LIPJ: variants seen among roughly 807,000 people sequenced by gnomAD.
The protein encoded by LIPJ is lipase member J.
LIPJ carries 33 observed loss-of-function variants against 39.8 expected under a neutral mutation model. The ratio of observed to expected loss-of-function variants is 0.83; its 90% CI spans 0.63 to 1.11. The LOEUF is 1.11. LIPJ is among the 50% of genes least tolerant of loss of function. The pLI, the probability that LIPJ is intolerant of heterozygous loss-of-function variation, is 0.00. For synonymous variants in LIPJ, 128 were observed against 139.2 expected (o/e 0.92, Z 0.57); for missense variants, 422 against 427.9 (o/e 0.99, Z 0.12).
At chr10:88,583,367 G>A (rs1850776353), upstream of LIPJ, 11 of 1,396,682 alleles carry the variant, frequency 7.9e-6, no homozygotes, top group South Asian at 1.6e-4. Context: ...GGCGGCCGGA[G>A]CTGAGAGGCC....
chr10:88,582,933 A>C, upstream of LIPJ: 2 of 963,902 alleles, frequency 2.1e-6, no homozygotes, highest in African/African-American at 1.7e-5. Context: ...CACTCGGCGC[A>C]TGGGCCGCGC....
intron 8 of LIPJ, among the ~76,000 whole-genome samples, chr10:88,600,107 T>G (rs1412361522): frequency 6.6e-6 from 1 of 152,082 alleles, no homozygotes; most frequent in Admixed American, 6.6e-5. Flanking sequence ...TTATTATTAC[T>G]TATGTTAAGT....
At chr10:88,615,910 G>A in the LIPJ span, among the ~76,000 whole-genome samples, 1 of 152,062 alleles carries the variant, frequency 6.6e-6, no homozygotes, top group Non-Finnish European at 1.5e-5. Context: ...TAAACCAAAT[G>A]TTATCAACAA....
chr10:88,619,869 A>T, the LIPJ span, among the ~76,000 whole-genome samples: 1 of 152,112 alleles, frequency 6.6e-6, no homozygotes, highest in Non-Finnish European at 1.5e-5. Context: ...TAAGATACAA[A>T]AAGCACGATC....
intron 3 of LIPJ, 81 bp from the exon 4 acceptor site, chr10:88,591,297 A>G: frequency 9.3e-7 from 1 of 1,074,150 alleles, no homozygotes; most frequent in Non-Finnish European, 1.3e-6. Flanking sequence ...TCATTGTCAC[A>G]TAATGCGTTA....
chr10:88,612,935 C>G, the LIPJ span, among the ~76,000 whole-genome samples: 90 of 152,266 alleles, frequency 5.9e-4, no homozygotes, highest in South Asian at 2.9e-3. Context: ...AGAATATACA[C>G]TGTATTCATC....
intron 2 of LIPJ, 145 bp from the exon 3 acceptor site, chr10:88,590,440 C>T (rs917693144): frequency 7.6e-6 from 3 of 397,016 alleles, no homozygotes; most frequent in Admixed American, 8.7e-5. Context: ...ATGGTTTTAG[C>T]CAAGTTATTT....
At chr10:88,583,639 C>G (rs1850793470), upstream of LIPJ, 1 of 989,084 alleles carries the variant, frequency 1.0e-6, no homozygotes, top group African/African-American at 1.7e-5. Context: ...GAAGAATTTA[C>G]CAGCGATACC....
chr10:88,596,478 T>C, intron 7 of LIPJ, 62 bp downstream of exon 7: 1 of 1,414,336 alleles, frequency 7.1e-7, no homozygotes, highest in Non-Finnish European at 9.3e-7. Context: ...TGCTTTCAAA[T>C]AAGAGATCTT....
intron 2 of LIPJ, among the ~76,000 whole-genome samples, chr10:88,590,337 G>A (rs1851038785): frequency 6.6e-6 from 1 of 151,662 alleles, no homozygotes; most frequent in South Asian, 2.1e-4. Flanking sequence ...CTTCTAAGAG[G>A]GAATTTATCT....
chr10:88,600,132 A>G lies in LIPJ; in HGVS notation c.724-2444A>G, dbSNP rs1005180745. ...TTATGTTAAGTTTGTGTTTATATCC[A>G]CATCCTAAATAATGCAAAAACTTTA... On this transcript the variant is annotated intron_variant, in intron 8 of 10. Transcript: ENST00000371939. 4.6e-5 allele frequency among the ~76,000 whole-genome samples: 7 copies of G among 152,228 alleles called. 1 individual carries two copies. Among genetic ancestry groups the G allele is most frequent in the African/African-American group, 1.7e-4 (7 of 41,556 alleles).
At chr10:88,615,733 A>G in the LIPJ span, among the ~76,000 whole-genome samples, 1 of 152,166 alleles carries the variant, frequency 6.6e-6, no homozygotes, top group Non-Finnish European at 1.5e-5. Flanking sequence ...ACATACAGAA[A>G]AACAAAACTC....
At chr10:88,617,150 C>T in the LIPJ span, among the ~76,000 whole-genome samples, 2 of 152,086 alleles carry the variant, frequency 1.3e-5, no homozygotes, top group African/African-American at 4.8e-5. Flanking sequence ...CAAACATGCT[C>T]TCGGGACAAG....
In LIPJ at chr10:88,590,757, T is replaced by A. The variant is rs552012286; in HGVS notation, c.9+61T>A. On this transcript the variant is annotated intron_variant, in intron 3 of 10. Coordinates refer to ENST00000371939, the Ensembl canonical transcript of LIPJ. ...TAACAGAGAATGCTACTTTTCAAAT[T>A]TGGAATTTTAACTTAATAGATTTAC... 525 of 1,371,658 alleles carry A rather than the reference T, an allele frequency of 3.8e-4. 4 individuals are homozygous for A. In the African/African-American group the frequency reaches 6.2e-3, roughly 16 times the overall value. The allele number at this position is 1,371,658 out of a possible 1,614,324, so 85.0% of individuals were successfully genotyped here.
chr10:88,595,935 A>G (rs1044255923), intron 6 of LIPJ, among the ~76,000 whole-genome samples: 1 of 151,622 alleles, frequency 6.6e-6, no homozygotes, highest in Non-Finnish European at 1.5e-5. Context: ...TATAAGATTC[A>G]TCTGTCTGAA....
downstream of LIPJ, among the ~76,000 whole-genome samples, chr10:88,607,264 C>G (rs146893576): frequency 6.6e-6 from 1 of 151,910 alleles, no homozygotes; most frequent in Non-Finnish European, 1.5e-5. Flanking sequence ...TTGAGAAATA[C>G]TTGATATGAA....
At chr10:88,614,049 G>A in the LIPJ span, among the ~76,000 whole-genome samples, 1 of 151,158 alleles carries the variant, frequency 6.6e-6, no homozygotes, top group South Asian at 2.1e-4. Context: ...GAAACAAAAG[G>A]CAACATGTGA....
chr10:88,619,453 C>CCACACACACACACA, the LIPJ span, among the ~76,000 whole-genome samples: 61,804 of 146,850 alleles, frequency 0.42, 13,152 homozygotes, highest in African/African-American at 0.48. Context: ...CCCCCTCTTG[C>CCACACACACACACA]CACACACACA....
At chr10:88,622,208 T>C in the LIPJ span, among the ~76,000 whole-genome samples, 1 of 152,188 alleles carries the variant, frequency 6.6e-6, no homozygotes, top group East Asian at 1.9e-4. Flanking sequence ...AACTGGACTT[T>C]TCTCCAGGTG....
Sources: allele counts gnomAD v4.1 joint callset (sites outside exome capture counted in the v4.1 genomes callset), GRCh38; gene constraint gnomAD v4.1.1; transcripts MANE v1.5; gene names NCBI Gene and HGNC (gene_info 2026-07-23, HGNC 2026-07-21).